Variants in FHIT observed in about 807,000 individuals in gnomAD.
FHIT encodes the protein fragile histidine triad diadenosine triphosphatase.
Under a neutral mutation model 17.9 loss-of-function variants are expected in FHIT, and 19 were observed. That is an observed-to-expected ratio of 1.06 (90% CI 0.74 to 1.56). The LOEUF is 1.56. Among genes scored for constraint, FHIT ranks in the 40% most tolerant of loss-of-function variants. FHIT has a pLI of 0.00. For synonymous variants in FHIT, 81 were observed against 69.7 expected, an observed-to-expected ratio of 1.16 and a Z score of -0.81; for missense variants, 248 against 189.2, an observed-to-expected ratio of 1.31 and a Z score of -1.82.
At chr3:60,033,062 A>G (rs544873618) in intron 5 of FHIT, among the ~76,000 whole-genome samples, 2 of 152,342 alleles carry the variant, frequency 1.3e-5, no homozygotes, top group East Asian at 3.9e-4. Flanking sequence ...TTGGATTAAA[A>G]CAGCACTAAA....
At chr3:60,668,340 G>C in intron 4 of FHIT, among the ~76,000 whole-genome samples, 1 of 128,986 alleles carries the variant, frequency 7.8e-6, no homozygotes, top group Non-Finnish European at 1.6e-5. Context: ...GAACTTGTCT[G>C]ATAGTTCCAG....
At chr3:60,232,944 T>C (rs1704577018) in intron 5 of FHIT, among the ~76,000 whole-genome samples, 2 of 152,210 alleles carry the variant, frequency 1.3e-5, no homozygotes, top group Admixed American at 1.3e-4. Flanking sequence ...ACTATGGCTA[T>C]AGTTTTTAAA....
chr3:59,750,927 T>G (rs1559568655), intron 9 of FHIT: 1 of 191,932 alleles, frequency 5.2e-6, no homozygotes, highest in Non-Finnish European at 1.1e-5. Flanking sequence ...TAATTTTGTT[T>G]TTTATTTGTG....
intron 5 of FHIT, among the ~76,000 whole-genome samples, chr3:60,452,130 C>T (rs1337458650): frequency 1.3e-5 from 2 of 152,162 alleles, no homozygotes; most frequent in African/African-American, 4.8e-5. Flanking sequence ...AGGAGAAATA[C>T]TGTAACCACA....
At chr3:60,319,148 A>T (rs1461337135) in intron 5 of FHIT, among the ~76,000 whole-genome samples, 1 of 152,216 alleles carries the variant, frequency 6.6e-6, no homozygotes, top group Non-Finnish European at 1.5e-5. Context: ...CACATAAGGT[A>T]ACATTCACAG....
intron 8 of FHIT, among the ~76,000 whole-genome samples, chr3:59,807,965 A>G (rs1033998951): frequency 6.6e-6 from 1 of 152,194 alleles, no homozygotes; most frequent in African/African-American, 2.4e-5. Flanking sequence ...ATTTTAAAGT[A>G]TATCGTTCAG....
Position 60,818,369 on chromosome 3 carries a change from C to T in FHIT, c.-18+3550G>A, listed in dbSNP as rs139810495. Among the ~76,000 whole-genome samples, 990 of 152,204 alleles carry T rather than the reference C, an allele frequency of 6.5e-3. 7 individuals are homozygous for T. The highest frequency in any genetic ancestry group is 0.023 in the African/African-American group (952 of 41,556). Reference sequence around the variant, plus strand: ...AGAGCTTCAATCCTGTTATAGTTTTCTGAAGGGTATTGATTTATTTGTTTT... The same window carrying T: ...AGAGCTTCAATCCTGTTATAGTTTTTTGAAGGGTATTGATTTATTTGTTTT... On this transcript the variant is annotated intron_variant, in intron 4 of 9. Coordinates refer to ENST00000492590, the MANE Select transcript of FHIT (RefSeq NM_002012.4).
At chr3:59,783,950 C>A (rs1702721908) in intron 8 of FHIT, among the ~76,000 whole-genome samples, 2 of 152,118 alleles carry the variant, frequency 1.3e-5, no homozygotes, top group African/African-American at 4.8e-5. Flanking sequence ...TGTGAATGAA[C>A]TAGAAACCTT....
chr3:59,882,704 A>G (rs1395837831), intron 8 of FHIT, among the ~76,000 whole-genome samples: 1 of 152,326 alleles, frequency 6.6e-6, no homozygotes, highest in African/African-American at 2.4e-5. Context: ...GTGAGGAAGA[A>G]GACAGATGCC....
chr3:61,107,703 CA>C (rs1374939166), intron 2 of FHIT, among the ~76,000 whole-genome samples: 1 of 152,150 alleles, frequency 6.6e-6, no homozygotes, highest in Non-Finnish European at 1.5e-5. Context: ...TTTAATTGAG[CA>C]ATGAACAGTT....
At chr3:60,591,741 CA>C (rs1431293492) in intron 4 of FHIT, among the ~76,000 whole-genome samples, 1 of 152,098 alleles carries the variant, frequency 6.6e-6, no homozygotes, top group Middle Eastern at 3.4e-3. Flanking sequence ...TTTGTTCGTT[CA>C]AATACACGGC....
chr3:60,357,114 T>C (rs1481773281), intron 5 of FHIT, among the ~76,000 whole-genome samples: 1 of 152,220 alleles, frequency 6.6e-6, no homozygotes, highest in Non-Finnish European at 1.5e-5. Context: ...CTGTCTAAAA[T>C]ATTATGTAGG....
At chr3:61,084,301 CA>C in intron 2 of FHIT, among the ~76,000 whole-genome samples, 1 of 152,306 alleles carries the variant, frequency 6.6e-6, no homozygotes, top group South Asian at 2.1e-4. Flanking sequence ...TGCAATACCA[CA>C]TTATAGTAAT....
At chr3:60,931,079 C>A (rs1343055949) in intron 3 of FHIT, among the ~76,000 whole-genome samples, 3 of 152,110 alleles carry the variant, frequency 2.0e-5, no homozygotes, top group Non-Finnish European at 2.9e-5. Context: ...ATGGATGAAG[C>A]TGGAAACCAT....
chr3:59,963,734 C>G (rs925566243), intron 7 of FHIT, among the ~76,000 whole-genome samples: 5 of 152,280 alleles, frequency 3.3e-5, no homozygotes, highest in South Asian at 2.1e-4. Flanking sequence ...AGATAGAGCT[C>G]TTTGACTCCA....
At chr3:60,834,892 A>G (rs927276282) in intron 3 of FHIT, among the ~76,000 whole-genome samples, 1 of 151,870 alleles carries the variant, frequency 6.6e-6, no homozygotes, top group Non-Finnish European at 1.5e-5. Flanking sequence ...AAAAAAAAAA[A>G]AAAAAACTCT....
intron 4 of FHIT, among the ~76,000 whole-genome samples, chr3:60,671,391 G>C (rs782723871): frequency 6.6e-6 from 1 of 152,030 alleles, no homozygotes. Flanking sequence ...GAACTTTACA[G>C]AGTAGAGTTT....
intron 4 of FHIT, among the ~76,000 whole-genome samples, chr3:60,737,615 T>C (rs895893039): frequency 2.0e-4 from 30 of 152,318 alleles, no homozygotes; most frequent in African/African-American, 6.3e-4. Context: ...ATGATAACAT[T>C]GTATTTCAGC....
Position 60,419,405 on chromosome 3 carries a change from G to C in FHIT, c.103+117455C>G, listed in dbSNP as rs559455923. Among the ~76,000 whole-genome samples the C allele has an allele frequency of 4.6e-5, 7 of 152,250 alleles. No individual in the cohort carries two copies. In the East Asian group the frequency reaches 1.2e-3, roughly 25 times the overall value. On this transcript the variant is annotated intron_variant, in intron 5 of 9. Coordinates refer to ENST00000492590, the MANE Select transcript of FHIT (RefSeq NM_002012.4). ...TTCTAATTTGCCAAATGTTAAACAA[G>C]GGCAAGAGTTGGCACTTTCTGTGTC...
Sources: gnomAD v4.1 joint callset for allele counts (sites outside exome capture counted in the v4.1 genomes callset) on GRCh38, gnomAD v4.1.1 for gene constraint, MANE v1.5 for transcripts, NCBI Gene and HGNC (gene_info 2026-07-23, HGNC 2026-07-21) for gene names.